The following KIF26B variants were observed in gnomAD, a reference collection of about 807,000 sequenced individuals.
The protein encoded by KIF26B is kinesin family member 26B, also known as kinesin-like protein KIF26B.
Under a neutral mutation model 151.2 loss-of-function variants are expected in KIF26B, and 63 were observed. The ratio of observed to expected loss-of-function variants is 0.42; its 90% CI spans 0.34 to 0.51. The LOEUF (loss-of-function observed/expected upper bound fraction) is 0.51. Among genes scored for constraint, KIF26B ranks in the 20% least tolerant of loss-of-function variants. The probability of loss-of-function intolerance (pLI) is 0.07; values close to 1 mark genes in which losing one functional copy is unlikely to be tolerated. For missense variants in KIF26B, 2,813 were observed against 2,913.6 expected, an observed-to-expected ratio of 0.97 and a Z score of 0.79; for synonymous variants, 1,357 against 1,262.1, an observed-to-expected ratio of 1.08 and a Z score of -1.59.
intron 4 of KIF26B, among the ~76,000 whole-genome samples, chr1:245,525,254 G>A (rs1661212804): frequency 6.6e-6 from 1 of 152,114 alleles, no homozygotes; most frequent in Non-Finnish European, 1.5e-5. Context: ...AGTTATTTCT[G>A]TCTATGGAGG....
chr1:245,640,912 T>A (rs2103180967), intron 9 of KIF26B, among the ~76,000 whole-genome samples: 1 of 152,296 alleles, frequency 6.6e-6, no homozygotes, highest in Non-Finnish European at 1.5e-5. Flanking sequence ...GTTTTGTCTT[T>A]TAATCTTCTT....
intron 2 of KIF26B, among the ~76,000 whole-genome samples, chr1:245,255,328 C>T (rs752526425): frequency 6.6e-5 from 10 of 152,200 alleles, no homozygotes; most frequent in Admixed American, 2.0e-4. Flanking sequence ...ATCTCTCCAC[C>T]GGCCAAAATC....
Position 245,190,649 on chromosome 1 carries a change from T to G in KIF26B, c.465+33966T>G, listed in dbSNP as rs571603471. On this transcript the variant is annotated intron_variant, in intron 2 of 14. Transcript: ENST00000407071. ...TGAATGTTTTGTTTTGTTTTTTTTT[T>G]TTTTTACATTTCTTACAGATGTCTA... Among the ~76,000 whole-genome samples, 145 of 151,304 alleles carry G rather than the reference T, an allele frequency of 9.6e-4. 2 individuals carry two copies. The highest frequency in any genetic ancestry group is 3.4e-3 in the Middle Eastern group (1 of 292).
chr1:245,405,513 G>T (rs923745501), intron 3 of KIF26B, among the ~76,000 whole-genome samples: 2 of 152,110 alleles, frequency 1.3e-5, no homozygotes, highest in East Asian at 3.8e-4. Flanking sequence ...CCCACAGCTG[G>T]TCATTTGGGT....
In KIF26B at chr1:245,358,070, C is replaced by T. The variant is rs11799450; in HGVS notation, c.466-8764C>T. ...TAGCTGGGACTAAAGGCATGCACCA[C>T]CGCACCTGGCTAATTTTTGTATTTT... is the stretch of plus-strand genomic sequence containing the variant. On this transcript the variant is annotated intron_variant, in intron 2 of 14. Coordinates refer to ENST00000407071, the MANE Select transcript of KIF26B (RefSeq NM_018012.4). The surrounding 1 kb of genome is among the most constrained non-coding windows in gnomAD (Gnocchi z 4.1). Among the ~76,000 whole-genome samples, 6,294 of 152,144 alleles carry T rather than the reference C, an allele frequency of 0.041. 426 individuals carry two copies. Among genetic ancestry groups the T allele is most frequent in the African/African-American group, 0.14 (5,984 of 41,462 alleles).
chr1:245,456,969 G>A (rs564783441), intron 4 of KIF26B, among the ~76,000 whole-genome samples: 2 of 152,306 alleles, frequency 1.3e-5, no homozygotes, highest in East Asian at 1.9e-4. Flanking sequence ...GGGTTCAAGC[G>A]ATTCTCCTGC....
At chr1:245,291,250 G>C (rs1671249144) in intron 2 of KIF26B, among the ~76,000 whole-genome samples, 2 of 152,182 alleles carry the variant, frequency 1.3e-5, no homozygotes, top group South Asian at 4.1e-4. Context: ...GCAAAGATAG[G>C]TTTTAAAGAG....
chr1:245,566,984 T>C (rs767145108), intron 5 of KIF26B, among the ~76,000 whole-genome samples: 5 of 152,142 alleles, frequency 3.3e-5, no homozygotes, highest in Non-Finnish European at 7.3e-5. Flanking sequence ...CTGTAGCCAC[T>C]GTGAGCCAAA....
chr1:245,162,771 G>A (rs1668554111), intron 2 of KIF26B, among the ~76,000 whole-genome samples: 1 of 152,184 alleles, frequency 6.6e-6, no homozygotes, highest in Non-Finnish European at 1.5e-5. Context: ...AACTCAGTTT[G>A]TATCCATCAT....
At chr1:245,386,522 G>A (rs1673549786) in intron 3 of KIF26B, among the ~76,000 whole-genome samples, 1 of 152,002 alleles carries the variant, frequency 6.6e-6, no homozygotes, top group Non-Finnish European at 1.5e-5. Context: ...TGCCACTATG[G>A]AGGAGAGCTA....
intron 2 of KIF26B, among the ~76,000 whole-genome samples, chr1:245,178,488 A>G (rs140774974): frequency 2.6e-5 from 4 of 152,040 alleles, no homozygotes; most frequent in Non-Finnish European, 4.4e-5. Flanking sequence ...TATAGCATAA[A>G]ATTTCCCATG....
chr1:245,319,799 G>T (rs930196365), intron 2 of KIF26B, among the ~76,000 whole-genome samples: 1 of 152,180 alleles, frequency 6.6e-6, no homozygotes, highest in African/African-American at 2.4e-5. Context: ...AAGAGACTGT[G>T]CATGACAGTG....
intron 5 of KIF26B, among the ~76,000 whole-genome samples, chr1:245,550,721 T>C (rs1157563811): frequency 6.6e-6 from 1 of 152,146 alleles, no homozygotes; most frequent in Non-Finnish European, 1.5e-5. Flanking sequence ...GAAGCAAGAA[T>C]GGGATCAGGC....
At chr1:245,534,846 G>A (rs1175976136) in intron 4 of KIF26B, among the ~76,000 whole-genome samples, 2 of 150,300 alleles carry the variant, frequency 1.3e-5, no homozygotes, top group Non-Finnish European at 1.5e-5. Context: ...GCAGCAGCAC[G>A]ATCTCGGCTC....
At position 245,703,204 on chromosome 1, in the gene KIF26B, A is replaced by G. The variant is rs1019899760; in HGVS notation, c.*598A>G. ...CTAAGTAAGTTGTGTTTGTAGAGCT[A>G]TTTCTTAATCAGTATTGCTTATGAA... On this transcript the variant is annotated 3_prime_UTR_variant, in exon 15 of 15. Coordinates refer to ENST00000407071, the MANE Select transcript of KIF26B (RefSeq NM_018012.4). 2 of 152,700 alleles carry G rather than the reference A, an allele frequency of 1.3e-5. No homozygotes were observed. Among genetic ancestry groups the G allele is most frequent in the Admixed American group, 1.3e-4 (2 of 15,288 alleles). 9.5% of individuals were successfully genotyped at this position (152,700 alleles called of 1,614,324 possible).
intron 5 of KIF26B, among the ~76,000 whole-genome samples, chr1:245,556,282 T>TCCTCCTC (rs796940096): frequency 1.7e-5 from 2 of 121,132 alleles, no homozygotes; most frequent in Non-Finnish European, 3.6e-5. Context: ...CTCTTCTTCT[T>TCCTCCTC]CTTCCTCCTC....
At chr1:245,642,562 GAAA>G (rs34401122) in intron 9 of KIF26B, among the ~76,000 whole-genome samples, 1,979 of 72,882 alleles carry the variant, frequency 0.027, 13 homozygotes, top group African/African-American at 0.051. Flanking sequence ...CTCCGTCTCA[GAAA>G]AAAAAAAAAA....
At chr1:245,452,814 TTATA>T (rs1659429006) in intron 4 of KIF26B, among the ~76,000 whole-genome samples, 2 of 152,164 alleles carry the variant, frequency 1.3e-5, no homozygotes. Context: ...TAGGAGTTCT[TTATA>T]TATTCTGGAT....
At chr1:245,680,876 A>G (rs933171203) in intron 10 of KIF26B, among the ~76,000 whole-genome samples, 1 of 152,224 alleles carries the variant, frequency 6.6e-6, no homozygotes, top group Non-Finnish European at 1.5e-5. Flanking sequence ...TTTGGCTCTC[A>G]TATCGTGCAC....
Sources: gnomAD v4.1 joint callset for allele counts (sites outside exome capture counted in the v4.1 genomes callset) on GRCh38, gnomAD v4.1.1 for gene constraint, Gnocchi (gnomAD v3.1) non-coding constraint, MANE v1.5 for transcripts, NCBI Gene and HGNC (gene_info 2026-07-23, HGNC 2026-07-21) for gene names.